Variants in ERAP1 observed in about 807,000 individuals in gnomAD.
ERAP1 encodes the protein adipocyte-derived leucine aminopeptidase.
ERAP1 carries 86 observed loss-of-function variants against 103.7 expected under a neutral mutation model. The ratio of observed to expected loss-of-function variants is 0.83; its 90% confidence interval spans 0.70 to 0.99. ERAP1 has a LOEUF of 0.99. ERAP1 is among the 50% of genes least tolerant of loss of function. The pLI is 0.00. For missense variants in ERAP1, 1,009 were observed against 1,128.4 expected (o/e 0.89, Z 1.52); for synonymous variants, 398 against 402.4 (o/e 0.99, Z 0.13).
chr5:96,790,518 C>T lies in ERAP1; in HGVS notation c.1446G>A (p.Met482Ile), dbSNP rs1475717096. The T allele has an allele frequency of 2.5e-6, 4 of 1,613,760 alleles. No individual in the cohort carries two copies. The highest frequency in any genetic ancestry group is 3.4e-6 in the Non-Finnish European group (4 of 1,179,894). The change falls in exon 9 of 19, where the codon ATG becomes ATA. Residue 482 changes from methionine (M) to isoleucine (I), a missense_variant. Physicochemically the swap from Met to Ile is conservative, Grantham distance 10 (BLOSUM62 1). This residue lies in a region of ERAP1 where 611 missense variants were observed against 651.7 expected (regional missense o/e 0.94). Coordinates refer to ENST00000443439, the MANE Select transcript of ERAP1 (RefSeq NM_001040458.3). ...TATTCAAAAACATACTCACACTTGC[C>T]ATACTATCCCACAGGTCCTCGTTTT... ...NTKNEDLWDS[M>I]ASICPTDGVK...
the ERAP1 span, among the ~76,000 whole-genome samples, chr5:96,930,393 A>G: frequency 6.6e-6 from 1 of 152,224 alleles, no homozygotes; most frequent in Non-Finnish European, 1.5e-5. Context: ...ATGAAGCTCC[A>G]TTGCGCATGC....
chr5:96,778,454 C>T (rs1774670640), intron 18 of ERAP1, among the ~76,000 whole-genome samples: 1 of 152,042 alleles, frequency 6.6e-6, no homozygotes, highest in South Asian at 2.1e-4. Flanking sequence ...ATAAAAAGTG[C>T]AGAGGCTTAA....
chr5:96,808,009 G>T (rs2151020147), upstream of ERAP1: 2 of 985,630 alleles, frequency 2.0e-6, no homozygotes, highest in African/African-American at 3.5e-5. Flanking sequence ...GCGGCAGGCG[G>T]GGAAGCCCCT....
At position 96,774,730 on chromosome 5, in the gene ERAP1, G is replaced by A; in HGVS notation, c.*1666C>T. On this transcript the variant is annotated 3_prime_UTR_variant, in exon 19 of 19. Transcript: ENST00000443439. Reference sequence around the variant, plus strand: ...AAAGAAGGGAAATAGTTTAGTTTGGGGTGGAAATTACCAGTGATTTCTATT... The same window carrying A: ...AAAGAAGGGAAATAGTTTAGTTTGGAGTGGAAATTACCAGTGATTTCTATT... The A allele has an allele frequency of 1.0e-6, 1 of 982,524 alleles. No homozygotes were observed. Among genetic ancestry groups the A allele is most frequent in the Non-Finnish European group, 1.2e-6 (1 of 827,304 alleles). The allele number at this position is 982,524 out of a possible 1,614,324, so 60.9% of individuals were successfully genotyped here.
At chr5:96,909,060 A>G in the ERAP1 span, 1 of 1,614,202 alleles carries the variant, frequency 6.2e-7, no homozygotes, top group Non-Finnish European at 8.5e-7. Context: ...GTTACTTGGA[A>G]TCGTTTTACC....
chr5:96,874,745 G>T, the ERAP1 span, among the ~76,000 whole-genome samples: 2 of 152,218 alleles, frequency 1.3e-5, no homozygotes, highest in African/African-American at 4.8e-5. Flanking sequence ...AAAAATTAAA[G>T]CTTGAGACTT....
chr5:96,778,451 G>A (rs1000211397), intron 18 of ERAP1, among the ~76,000 whole-genome samples: 2 of 152,188 alleles, frequency 1.3e-5, no homozygotes, highest in African/African-American at 2.4e-5. Flanking sequence ...AGAATAAAAA[G>A]TGCAGAGGCT....
chr5:96,862,945 C>T, the ERAP1 span, among the ~76,000 whole-genome samples: 2 of 152,196 alleles, frequency 1.3e-5, no homozygotes, highest in African/African-American at 2.4e-5. Flanking sequence ...TTCAGAGCTA[C>T]CTCGTTTACC....
intron 9 of ERAP1, 42 bp downstream of exon 9, chr5:96,790,470 C>T (rs1776607574): frequency 5.6e-6 from 9 of 1,612,630 alleles, no homozygotes; most frequent in Non-Finnish European, 7.6e-6. Context: ...AGATGATAAG[C>T]CTGTCAATCC....
chr5:96,900,012 A>T, the ERAP1 span: 3 of 1,280,994 alleles, frequency 2.3e-6, no homozygotes, highest in Non-Finnish European at 1.1e-6. Context: ...TGTCTGGATG[A>T]ATTATTTCAT....
At chr5:96,885,311 C>T in the ERAP1 span, among the ~76,000 whole-genome samples, 1 of 152,298 alleles carries the variant, frequency 6.6e-6, no homozygotes, top group East Asian at 1.9e-4. Context: ...ACAGCACCTC[C>T]TCTGCTGGGA....
At chr5:96,887,189 T>A in the ERAP1 span, among the ~76,000 whole-genome samples, 1 of 151,246 alleles carries the variant, frequency 6.6e-6, no homozygotes, top group African/African-American at 2.4e-5. Context: ...TATCAAAATA[T>A]GCCATAAAAG....
intron 19 of ERAP1, chr5:96,765,239 G>T: frequency 1.2e-6 from 2 of 1,601,974 alleles, no homozygotes; most frequent in Non-Finnish European, 1.7e-6. Context: ...CAAAGACCTC[G>T]ATGATGCCTT....
In ERAP1 at chr5:96,776,039, C is replaced by T. The variant is rs542181257; in HGVS notation, c.*357G>A. On this transcript the variant is annotated 3_prime_UTR_variant, in exon 19 of 19. Coordinates refer to ENST00000443439, the MANE Select transcript of ERAP1 (RefSeq NM_001040458.3). Reference sequence around the variant, plus strand: ...CAGTAGTCGACTATTCAGAGTCTTTCGAGGAGACTGATGAAACAGTTTATG... The same window carrying T: ...CAGTAGTCGACTATTCAGAGTCTTTTGAGGAGACTGATGAAACAGTTTATG... 10 of 1,175,190 alleles carry T rather than the reference C, an allele frequency of 8.5e-6. No individual in the cohort carries two copies. Among genetic ancestry groups the T allele is most frequent in the South Asian group, 5.3e-5 (3 of 56,452 alleles). 72.8% of individuals were successfully genotyped at this position (1,175,190 alleles called of 1,614,324 possible).
the ERAP1 span, chr5:96,913,529 C>T: frequency 1.3e-6 from 2 of 1,520,586 alleles, no homozygotes; most frequent in Admixed American, 3.5e-5. Flanking sequence ...CAAGTGTAAT[C>T]AAATGTTTCT....
chr5:96,760,968 C>G (rs1398723533), exon 20 of ERAP1: 1 of 151,922 alleles, frequency 6.6e-6, no homozygotes, highest in Admixed American at 6.6e-5. Context: ...CAACTAAACA[C>G]TAGCATATGT....
At chr5:96,782,950 G>A in intron 15 of ERAP1, 101 bp downstream of exon 15, 2 of 1,141,250 alleles carry the variant, frequency 1.8e-6, no homozygotes, top group African/African-American at 1.5e-5. Flanking sequence ...CAGCAGGGGA[G>A]ACACTTAAAC....
At chr5:96,880,184 G>A in the ERAP1 span, 1 of 1,614,006 alleles carries the variant, frequency 6.2e-7, no homozygotes, top group Middle Eastern at 1.6e-4. Flanking sequence ...TGTGGCTATG[G>A]ACTTCCAAGC....
the ERAP1 span, among the ~76,000 whole-genome samples, chr5:96,897,045 G>A: frequency 2.0e-4 from 14 of 68,402 alleles, no homozygotes; most frequent in South Asian, 1.1e-3. Flanking sequence ...AGGATGTCAC[G>A]CTGGGGTGGC....
Sources: gnomAD v4.1 joint callset for allele counts (sites outside exome capture counted in the v4.1 genomes callset) on GRCh38, gnomAD v4.1.1 for gene constraint, gnomAD v4.1.1 regional missense constraint, MANE v1.5 for transcripts, NCBI Gene and HGNC (gene_info 2026-07-23, HGNC 2026-07-21) for gene names.